TSPAN5: variants seen among roughly 807,000 people sequenced by gnomAD.
The protein encoded by TSPAN5 is tetraspanin-5.
TSPAN5 carries 10 observed loss-of-function variants against 37.1 expected under a neutral mutation model. The observed-to-expected ratio is 0.27, with a 90% confidence interval of 0.17 to 0.46. The LOEUF is 0.46. TSPAN5 is among the 20% of genes least tolerant of loss of function. TSPAN5 has a pLI of 1.00. For missense variants in TSPAN5, 195 were observed against 326.6 expected (o/e 0.60, Z 3.11); for synonymous variants, 110 against 118.9 (o/e 0.93, Z 0.48).
chr4:98,603,247 TC>T (rs1379312057), intron 1 of TSPAN5, among the ~76,000 whole-genome samples: 1 of 152,050 alleles, frequency 6.6e-6, no homozygotes, highest in Non-Finnish European at 1.5e-5. Flanking sequence ...TCCTTTAGAC[TC>T]CCCCCTACCA....
chr4:98,521,590 C>T (rs1354204462), intron 1 of TSPAN5, among the ~76,000 whole-genome samples: 2 of 152,174 alleles, frequency 1.3e-5, no homozygotes, highest in African/African-American at 4.8e-5. Flanking sequence ...TGTTTGCTGG[C>T]ATGCAGGGTG....
chr4:98,613,159 C>T (rs1756241252), intron 1 of TSPAN5, among the ~76,000 whole-genome samples: 2 of 148,682 alleles, frequency 1.3e-5, no homozygotes, highest in Non-Finnish European at 1.5e-5. Context: ...TTTTTAATTC[C>T]ACGGGTGATT....
At chr4:98,498,338 T>A (rs1028250320) in intron 2 of TSPAN5, among the ~76,000 whole-genome samples, 1 of 152,148 alleles carries the variant, frequency 6.6e-6, no homozygotes, top group Non-Finnish European at 1.5e-5. Context: ...TTGCTGGAAG[T>A]TGGGGTAGCA....
chr4:98,588,385 T>C (rs1755546949), intron 1 of TSPAN5, among the ~76,000 whole-genome samples: 1 of 151,916 alleles, frequency 6.6e-6, no homozygotes, highest in Non-Finnish European at 1.5e-5. Context: ...GGGTGTTAAC[T>C]TCGGTTCAAA....
intron 1 of TSPAN5, among the ~76,000 whole-genome samples, chr4:98,520,009 G>A (rs1753819721): frequency 6.6e-6 from 1 of 152,220 alleles, no homozygotes; most frequent in African/African-American, 2.4e-5. Flanking sequence ...ATGAAAAGGT[G>A]CCTGGCATAT....
At chr4:98,637,994 G>A (rs1756892498) in intron 1 of TSPAN5, among the ~76,000 whole-genome samples, 1 of 152,128 alleles carries the variant, frequency 6.6e-6, no homozygotes, top group African/African-American at 2.4e-5. Context: ...TTCTGAGATC[G>A]GCTCTTCCTG....
chr4:98,535,328 A>T (rs1175151707), intron 1 of TSPAN5, among the ~76,000 whole-genome samples: 1 of 152,160 alleles, frequency 6.6e-6, no homozygotes, highest in African/African-American at 2.4e-5. Context: ...TGGGTTGAAA[A>T]TTCTTTTCTT....
At chr4:98,623,977 T>G (rs192105354) in intron 1 of TSPAN5, among the ~76,000 whole-genome samples, 3 of 152,194 alleles carry the variant, frequency 2.0e-5, no homozygotes, top group Non-Finnish European at 4.4e-5. Context: ...GGAAATATGA[T>G]TGATGTTAGG....
chr4:98,629,896 C>A lies in TSPAN5; in HGVS notation c.81+28250G>T, dbSNP rs79514897. Among the ~76,000 whole-genome samples, 13 of 151,904 alleles carry A rather than the reference C, an allele frequency of 8.6e-5. No individual in the cohort carries two copies. The South Asian group carries it at 2.5e-3, about 29-fold the overall frequency. On this transcript the variant is annotated intron_variant, in intron 1 of 7. Coordinates refer to ENST00000305798, the MANE Select transcript of TSPAN5 (RefSeq NM_005723.4). ...TGACCACAAACTTATGCTTCCCTTT[C>A]AAAAAAAAGTATTTTTAATCAGATC...
intron 2 of TSPAN5, among the ~76,000 whole-genome samples, chr4:98,498,027 G>A (rs573986937): frequency 2.6e-5 from 4 of 152,304 alleles, no homozygotes; most frequent in South Asian, 2.1e-4. Context: ...TGGCAGTCAC[G>A]TGCTGTGGAA....
intron 1 of TSPAN5, among the ~76,000 whole-genome samples, chr4:98,591,170 G>T (rs1052622201): frequency 5.4e-5 from 8 of 148,382 alleles, no homozygotes; most frequent in African/African-American, 1.0e-4. Context: ...TAACATACCA[G>T]AGCTAGTAAA....
intron 7 of TSPAN5, among the ~76,000 whole-genome samples, chr4:98,473,614 C>T (rs569485883): frequency 5.9e-5 from 9 of 152,120 alleles, no homozygotes; most frequent in Non-Finnish European, 1.0e-4. Flanking sequence ...CGCCCGCCAC[C>T]GCGCCCGGCT....
At chr4:98,656,765 C>T (rs1757302415) in intron 1 of TSPAN5, among the ~76,000 whole-genome samples, 1 of 152,124 alleles carries the variant, frequency 6.6e-6, no homozygotes, top group Non-Finnish European at 1.5e-5. Flanking sequence ...CATTTCCCCT[C>T]ACAAAACATA....
intron 2 of TSPAN5, among the ~76,000 whole-genome samples, chr4:98,493,142 A>C (rs1318983254): frequency 6.6e-6 from 1 of 152,340 alleles, no homozygotes; most frequent in African/African-American, 2.4e-5. Context: ...ACATCACTGC[A>C]CTCCAGCCTG....
chr4:98,603,115 CA>C (rs750967313), intron 1 of TSPAN5, among the ~76,000 whole-genome samples: 1 of 152,176 alleles, frequency 6.6e-6, no homozygotes, highest in African/African-American at 2.4e-5. Context: ...CAAAAATTCT[CA>C]AAAGTCTCAG....
At chr4:98,561,283 C>T (rs754545614) in intron 1 of TSPAN5, among the ~76,000 whole-genome samples, 8 of 152,250 alleles carry the variant, frequency 5.3e-5, no homozygotes, top group Non-Finnish European at 8.8e-5. Context: ...GTCATCCAGG[C>T]TCACGCCTAT....
chr4:98,536,915 G>A (rs996758786), intron 1 of TSPAN5, among the ~76,000 whole-genome samples: 1 of 152,220 alleles, frequency 6.6e-6, no homozygotes, highest in Non-Finnish European at 1.5e-5. Flanking sequence ...CAAGCCAGTG[G>A]ATCTTAGTTT....
chr4:98,612,825 C>A (rs1331547086), intron 1 of TSPAN5, among the ~76,000 whole-genome samples: 2 of 152,204 alleles, frequency 1.3e-5, no homozygotes, highest in African/African-American at 4.8e-5. Context: ...CTTCCTCCCT[C>A]CCCCCACAGG....
intron 1 of TSPAN5, among the ~76,000 whole-genome samples, chr4:98,645,738 A>G (rs1000423111): frequency 6.6e-6 from 1 of 152,180 alleles, no homozygotes; most frequent in Non-Finnish European, 1.5e-5. Flanking sequence ...TGTTTACGCA[A>G]CAGGGAGTCA....
Sources: gnomAD v4.1 joint callset for allele counts (sites outside exome capture counted in the v4.1 genomes callset) on GRCh38, gnomAD v4.1.1 for gene constraint, MANE v1.5 for transcripts, NCBI Gene and HGNC (gene_info 2026-07-23, HGNC 2026-07-21) for gene names.